Variants in EPHB2 observed in about 807,000 individuals in gnomAD.
EPHB2 encodes EPH receptor B2.
A neutral mutation model predicts 96.4 loss-of-function variants in EPHB2; 18 were observed. The observed-to-expected ratio is 0.19, with a 90% CI of 0.13 to 0.28. EPHB2 has a LOEUF of 0.28. EPHB2 is among the 10% of genes least tolerant of loss of function. The pLI is 1.00. For missense variants in EPHB2, 989 were observed against 1,355.4 expected (o/e 0.73, Z 4.25); for synonymous variants, 506 against 534.1 (o/e 0.95, Z 0.72).
At chr1:22,886,995 G>A (rs981013662) in intron 6 of EPHB2, among the ~76,000 whole-genome samples, 1 of 152,112 alleles carries the variant, frequency 6.6e-6, no homozygotes. Flanking sequence ...AGATGGAGGT[G>A]CCTTTTCCTG....
At position 22,875,305 on chromosome 1, in the gene EPHB2, TAA is replaced by T. The variant is rs1173037123; in HGVS notation, c.1304-7053_1304-7052del. ...CTGTCCCATGATGAGCTGGGAATTC[TAA>T]GAGTCCCGTCCCAAGTAAACTGTCC... On this transcript the variant is annotated intron_variant, in intron 5 of 15. Transcript: ENST00000374630. This position sits in a 1 kb window ranked among gnomAD's most constrained non-coding sequence, Gnocchi z 4.2. 6.6e-6 allele frequency among the ~76,000 whole-genome samples: 1 copy of T among 152,204 alleles called. No homozygotes were observed. The highest frequency in any genetic ancestry group is 1.5e-5 in the Non-Finnish European group (1 of 68,040).
chr1:22,789,651 A>C (rs1382734781), intron 3 of EPHB2, among the ~76,000 whole-genome samples: 1 of 152,188 alleles, frequency 6.6e-6, no homozygotes, highest in African/African-American at 2.4e-5. Flanking sequence ...GTGCAGGGAG[A>C]TACGGAAATG....
At chr1:22,896,910 C>T (rs1020538556) in intron 9 of EPHB2, among the ~76,000 whole-genome samples, 3 of 152,210 alleles carry the variant, frequency 2.0e-5, no homozygotes, top group African/African-American at 7.2e-5. Flanking sequence ...GTGCCCAGCA[C>T]ATAGTAGGCA....
chr1:22,772,614 A>G (rs771895531), intron 1 of EPHB2, among the ~76,000 whole-genome samples: 6 of 152,148 alleles, frequency 3.9e-5, no homozygotes, highest in Non-Finnish European at 8.8e-5. Flanking sequence ...CAGTGAACCC[A>G]AGGCCATCCT....
In EPHB2 at chr1:22,917,059, T is replaced by A. The variant is rs2124169897; in HGVS notation, c.*3489T>A. 6.6e-6 allele frequency: 1 copy of A among 152,438 alleles called. No individual in the cohort carries two copies. The highest frequency in any genetic ancestry group is 1.9e-4 in the East Asian group (1 of 5,186). The allele number at this position is 152,438 out of a possible 1,614,324, so 9.4% of individuals were successfully genotyped here. ...AGCAGGGACCCGGGTGGCGGGGCAGTAGGAGACACTTAAGGGACTCAGGGC... is the reference window on the plus strand; with the variant it reads ...AGCAGGGACCCGGGTGGCGGGGCAGAAGGAGACACTTAAGGGACTCAGGGC... On this transcript the variant is annotated 3_prime_UTR_variant, in exon 16 of 16. Coordinates refer to ENST00000374630, the MANE Select transcript of EPHB2 (RefSeq NM_017449.5).
chr1:22,773,779 T>C (rs1644410379), intron 1 of EPHB2, among the ~76,000 whole-genome samples: 1 of 152,138 alleles, frequency 6.6e-6, no homozygotes, highest in African/African-American at 2.4e-5. Context: ...TACCATCTCC[T>C]TCTGTGAAGC....
intron 3 of EPHB2, among the ~76,000 whole-genome samples, chr1:22,804,308 C>A (rs1260021174): frequency 6.6e-6 from 1 of 151,966 alleles, no homozygotes; most frequent in Non-Finnish European, 1.5e-5. Context: ...GAAAACCAAT[C>A]AATCAATCAA....
At chr1:22,827,175 C>A (rs1645236609) in intron 3 of EPHB2, among the ~76,000 whole-genome samples, 1 of 152,248 alleles carries the variant, frequency 6.6e-6, no homozygotes, top group Non-Finnish European at 1.5e-5. Context: ...TCTTCAGATC[C>A]AGCTCAGACC....
rs78451476 is a variant in EPHB2 at position 22,897,253 on chromosome 1, A to G, written c.1765+775A>G. Among the ~76,000 whole-genome samples the G allele has an allele frequency of 1.4e-3, 216 of 152,366 alleles. 1 individual carries two copies. Among genetic ancestry groups the G allele is most frequent in the African/African-American group, 4.9e-3 (202 of 41,588 alleles). ...CTCTCCACTTGACCTGGGCAGAACC[A>G]GTAATCAGGGAGTCGGGGGAGAGCA... On this transcript the variant is annotated intron_variant, in intron 9 of 15. Coordinates refer to ENST00000374630, the MANE Select transcript of EPHB2 (RefSeq NM_017449.5).
At chr1:22,839,072 A>T (rs991554175) in intron 3 of EPHB2, among the ~76,000 whole-genome samples, 5 of 152,230 alleles carry the variant, frequency 3.3e-5, no homozygotes, top group Admixed American at 1.3e-4. Context: ...ACAAAGCCCT[A>T]AAAAGCAAAA....
intron 3 of EPHB2, among the ~76,000 whole-genome samples, chr1:22,803,645 G>GTA (rs1237501755): frequency 0.19 from 657 of 3,436 alleles, 10 homozygotes; most frequent in African/African-American, 0.32. Context: ...ATATATATGT[G>GTA]TATATATATA....
intron 6 of EPHB2, among the ~76,000 whole-genome samples, chr1:22,890,977 G>C (rs1639371164): frequency 6.6e-6 from 1 of 152,184 alleles, no homozygotes; most frequent in African/African-American, 2.4e-5. Flanking sequence ...ATAGCAGCAT[G>C]AGAAGGGACT....
chr1:22,790,268 C>T lies in EPHB2; in HGVS notation c.811+5192C>T, dbSNP rs1452447240. Among the ~76,000 whole-genome samples, 2 of 152,120 alleles carry T rather than the reference C, an allele frequency of 1.3e-5. No individual in the cohort carries two copies. Among genetic ancestry groups the T allele is most frequent in the African/African-American group, 4.8e-5 (2 of 41,412 alleles). On this transcript the variant is annotated intron_variant, in intron 3 of 15. Coordinates refer to ENST00000374630, the MANE Select transcript of EPHB2 (RefSeq NM_017449.5). This position sits in a 1 kb window ranked among gnomAD's most constrained non-coding sequence, Gnocchi z 4.0. ...TTTGCAGTGTATAGGGATTAGGACA[C>T]AATTTTCCCCTATTTATTCACCTGT...
intron 9 of EPHB2, among the ~76,000 whole-genome samples, chr1:22,900,051 T>C (rs888903830): frequency 6.6e-6 from 1 of 151,202 alleles, no homozygotes; most frequent in Non-Finnish European, 1.5e-5. Flanking sequence ...CCCAGCACTT[T>C]AGGAGGCCAA....
chr1:22,907,920 G>C (rs368409603), intron 11 of EPHB2, 33 bp from the exon 12 acceptor site: 1 of 1,611,730 alleles, frequency 6.2e-7, no homozygotes, highest in Non-Finnish European at 8.5e-7. Context: ...CTGCTCTTCT[G>C]TTTACTCTGT....
intron 3 of EPHB2, among the ~76,000 whole-genome samples, chr1:22,818,952 GT>G: frequency 6.6e-6 from 1 of 151,040 alleles, no homozygotes. Context: ...GCCCCCATAG[GT>G]TAGAGTGAAT....
chr1:22,887,502 G>A (rs4654826), intron 6 of EPHB2, among the ~76,000 whole-genome samples: 62,536 of 152,052 alleles, frequency 0.41, 13,661 homozygotes, highest in East Asian at 0.68. Context: ...CTCTAGGAGC[G>A]GGCCCTCCGT....
rs557444933 is a variant in EPHB2 at position 22,874,032 on chromosome 1, G to T, written c.1304-8327G>T. ...AGGCTCAGAGAGAGGTAACTTGCCT[G>T]CAGTCACACATTGGCCTAGTAGAAC... On this transcript the variant is annotated intron_variant, in intron 5 of 15. Transcript: ENST00000374630. Among the ~76,000 whole-genome samples, 7 of 152,306 alleles carry T rather than the reference G, an allele frequency of 4.6e-5. 1 individual carries two copies. Among genetic ancestry groups the T allele is most frequent in the African/African-American group, 1.7e-4 (7 of 41,570 alleles).
intron 5 of EPHB2, 71 bp downstream of exon 5, chr1:22,865,283 C>A (rs947870711): frequency 1.6e-5 from 24 of 1,535,872 alleles, no homozygotes; most frequent in Non-Finnish European, 2.2e-5. Context: ...GCAGTCCTCA[C>A]AAAAGACTCC....
Sources: gnomAD v4.1 joint callset for allele counts (sites outside exome capture counted in the v4.1 genomes callset) on GRCh38, gnomAD v4.1.1 for gene constraint, Gnocchi (gnomAD v3.1) non-coding constraint, MANE v1.5 for transcripts, NCBI Gene and HGNC (gene_info 2026-07-23, HGNC 2026-07-21) for gene names.